Variants in RYR2 observed in about 807,000 individuals in gnomAD.
RYR2 encodes ryanodine receptor 2, also known as cardiac muscle ryanodine receptor-calcium release channel.
Under a neutral mutation model 601.1 loss-of-function variants are expected in RYR2, and 227 were observed. The observed-to-expected ratio is 0.38, with a 90% CI of 0.34 to 0.42. The LOEUF (loss-of-function observed/expected upper bound fraction) is 0.42. Ranked by LOEUF, RYR2 falls within the 10% of genes least tolerant of loss-of-function variation. RYR2 has a pLI of 1.00. For synonymous variants in RYR2, 2,223 were observed against 2,175.1 expected (o/e 1.02, Z -0.61); for missense variants, 4,646 against 6,156.5 (o/e 0.75, Z 8.21).
intron 1 of RYR2, among the ~76,000 whole-genome samples, chr1:237,107,986 T>C (rs1015221021): frequency 2.0e-5 from 3 of 152,244 alleles, no homozygotes; most frequent in Admixed American, 6.5e-5. Context: ...GTTCCGGTCC[T>C]GAGCTCACGG....
intron 1 of RYR2, among the ~76,000 whole-genome samples, chr1:237,147,789 G>C (rs1674184284): frequency 6.6e-6 from 1 of 152,248 alleles, no homozygotes; most frequent in African/African-American, 2.4e-5. Flanking sequence ...GTGGCTATCA[G>C]AGAGTCACAA....
intron 1 of RYR2, among the ~76,000 whole-genome samples, chr1:237,246,312 T>C (rs549078865): frequency 6.6e-6 from 1 of 151,926 alleles, no homozygotes; most frequent in Admixed American, 6.6e-5. Flanking sequence ...ACCAGGCTGG[T>C]CTCGAACTCC....
chr1:237,058,950 T>C (rs1280490767), intron 1 of RYR2, among the ~76,000 whole-genome samples: 3 of 152,124 alleles, frequency 2.0e-5, no homozygotes, highest in Admixed American at 6.5e-5. Flanking sequence ...TCCTGACTAG[T>C]ACATTTTCTG....
chr1:237,057,476 C>T (rs773780223), intron 1 of RYR2, among the ~76,000 whole-genome samples: 7 of 152,126 alleles, frequency 4.6e-5, no homozygotes, highest in Non-Finnish European at 1.0e-4. Context: ...TGAGCCACCG[C>T]GCCTGGCCCT....
intron 2 of RYR2, among the ~76,000 whole-genome samples, chr1:237,281,588 G>A (rs6429004): frequency 0.14 from 20,808 of 152,206 alleles, 2,500 homozygotes; most frequent in African/African-American, 0.33. Context: ...AGCCAAAGGG[G>A]GCTGTGCTTA....
intron 44 of RYR2, 47 bp from the exon 45 acceptor site, chr1:237,638,310 G>A (rs2148723211): frequency 6.2e-7 from 1 of 1,612,096 alleles, no homozygotes; most frequent in Non-Finnish European, 8.5e-7. Context: ...AGCATCTAAT[G>A]AGTTTTCAGC....
At chr1:237,573,056 T>C (rs1303285321) in intron 29 of RYR2, among the ~76,000 whole-genome samples, 2 of 152,152 alleles carry the variant, frequency 1.3e-5, no homozygotes, top group South Asian at 2.1e-4. Flanking sequence ...TATTTTAAAT[T>C]TTTCTTACAC....
chr1:237,533,207 C>G (rs113837944), intron 25 of RYR2, among the ~76,000 whole-genome samples: 2,242 of 152,284 alleles, frequency 0.015, 21 homozygotes, highest in Non-Finnish European at 0.023. Flanking sequence ...AGTCTATATA[C>G]TGTCTCTAAA....
chr1:237,321,122 G>T (rs1449852638), intron 2 of RYR2, among the ~76,000 whole-genome samples: 4 of 152,072 alleles, frequency 2.6e-5, no homozygotes, highest in African/African-American at 9.7e-5. Flanking sequence ...CTGGCTTAGG[G>T]CATGTCACTC....
intron 98 of RYR2, among the ~76,000 whole-genome samples, chr1:237,803,675 G>T (rs1354498298): frequency 6.6e-6 from 1 of 151,988 alleles, no homozygotes; most frequent in East Asian, 1.9e-4. Flanking sequence ...CTTCTCCTCT[G>T]CTCCTCCCCA....
chr1:237,336,953 A>T (rs2149594761), intron 3 of RYR2, among the ~76,000 whole-genome samples: 1 of 148,884 alleles, frequency 6.7e-6, no homozygotes, highest in East Asian at 2.1e-4. Flanking sequence ...CTCTAAGAAC[A>T]TTCAAAAATG....
chr1:237,381,252 A>G (rs1572062768), intron 8 of RYR2, among the ~76,000 whole-genome samples: 1 of 76,250 alleles, frequency 1.3e-5, no homozygotes, highest in African/African-American at 7.2e-5. Context: ...ACTCCGTCTC[A>G]AAAAAAAAAA....
At chr1:237,462,559 C>G (rs1478913) in intron 16 of RYR2, among the ~76,000 whole-genome samples, 73,724 of 151,968 alleles carry the variant, frequency 0.49, 18,943 homozygotes, top group East Asian at 0.65. Context: ...GCAAACTTTC[C>G]TATGAATACT....
chr1:237,585,497 G>A (rs1178069792), intron 29 of RYR2, among the ~76,000 whole-genome samples: 1 of 152,118 alleles, frequency 6.6e-6, no homozygotes, highest in Non-Finnish European at 1.5e-5. Flanking sequence ...CGGAGGCCTG[G>A]CCCTTTCTCT....
chr1:237,731,107 A>G (rs1690639129), intron 77 of RYR2, among the ~76,000 whole-genome samples: 1 of 152,202 alleles, frequency 6.6e-6, no homozygotes, highest in African/African-American at 2.4e-5. Flanking sequence ...GATTGTCCCC[A>G]TATTTTAAAA....
At chr1:237,176,458 A>G (rs970675368) in intron 1 of RYR2, among the ~76,000 whole-genome samples, 6 of 151,664 alleles carry the variant, frequency 4.0e-5, no homozygotes, top group African/African-American at 1.5e-4. Context: ...TCTTATGAAA[A>G]TCACAAAAAT....
At position 237,638,363 on chromosome 1, in the gene RYR2, C is replaced by T. The variant is rs554220274; in HGVS notation, c.6799C>T (p.Arg2267Cys). The T allele has an allele frequency of 3.7e-6, 6 of 1,613,684 alleles. No homozygotes were observed. The highest frequency in any genetic ancestry group is 4.5e-5 in the East Asian group (2 of 44,838). Residue 2267 changes from arginine (R) to cysteine (C), a missense_variant, in exon 45 of 105, where the codon CGT becomes TGT. By Grantham distance (180) the Arg-to-Cys change is radical. Around this residue, in one of 17 missense-constraint regions of RYR2, gnomAD observed 137 missense variants for 273.6 expected, o/e 0.50. Coordinates refer to ENST00000366574, the MANE Select transcript of RYR2 (RefSeq NM_001035.3). The stretch of plus-strand genomic sequence containing the variant: ...TTAATCATGTTGTTTGCAGGTAGTT[C>T]GTTATTTGGCTGGTTGTGGACTGCA... ...LREPDLEKVV[R>C]YLAGCGLQSC... is the part of the protein sequence containing the mutation.
At chr1:237,531,767 G>A (rs1461985586) in intron 25 of RYR2, among the ~76,000 whole-genome samples, 1 of 152,144 alleles carries the variant, frequency 6.6e-6, no homozygotes, top group Non-Finnish European at 1.5e-5. Context: ...AGTTCCAAAA[G>A]ATGTGTTTTA....
intron 8 of RYR2, among the ~76,000 whole-genome samples, chr1:237,381,514 T>G (rs900827875): frequency 1.3e-5 from 2 of 152,214 alleles, no homozygotes; most frequent in Non-Finnish European, 2.9e-5. Flanking sequence ...TTACAACTCC[T>G]TGGTGATCAG....
Sources: gnomAD v4.1 joint callset for allele counts (sites outside exome capture counted in the v4.1 genomes callset) on GRCh38, gnomAD v4.1.1 for gene constraint, gnomAD v4.1.1 regional missense constraint, MANE v1.5 for transcripts, NCBI Gene and HGNC (gene_info 2026-07-23, HGNC 2026-07-21) for gene names.